The following RTN1 variants were observed in gnomAD, a reference collection of about 807,000 sequenced individuals.
RTN1 encodes reticulon-1.
Under a neutral mutation model 65.5 loss-of-function variants are expected in RTN1, and 25 were observed. The observed-to-expected ratio is 0.38, with a 90% confidence interval of 0.28 to 0.53. The LOEUF is 0.53. Ranked by LOEUF, RTN1 falls within the 20% of genes least tolerant of loss-of-function variation. The probability of loss-of-function intolerance (pLI) is 0.79; values close to 1 mark genes in which losing one functional copy is unlikely to be tolerated. For synonymous variants in RTN1, 471 were observed against 447.6 expected (o/e 1.05, Z -0.66); for missense variants, 983 against 1,025.4 (o/e 0.96, Z 0.57).
intron 1 of RTN1, among the ~76,000 whole-genome samples, chr14:59,780,639 T>C (rs1886137388): frequency 6.6e-6 from 1 of 151,760 alleles, no homozygotes; most frequent in African/African-American, 2.4e-5. Context: ...TTGTTTTGTT[T>C]TGTTTTTCTT....
At chr14:59,764,657 A>T (rs1168575377) in intron 1 of RTN1, among the ~76,000 whole-genome samples, 1 of 152,084 alleles carries the variant, frequency 6.6e-6, no homozygotes, top group Non-Finnish European at 1.5e-5. Context: ...TCACTATAAC[A>T]TTTTTTAAAA....
At chr14:59,612,424 CT>C (rs1460736987) in intron 3 of RTN1, among the ~76,000 whole-genome samples, 1 of 152,204 alleles carries the variant, frequency 6.6e-6, no homozygotes, top group Non-Finnish European at 1.5e-5. Flanking sequence ...CTCTCTCTCT[CT>C]CCCTTTCTCT....
chr14:59,835,037 A>G (rs1327369060), intron 1 of RTN1, among the ~76,000 whole-genome samples: 2 of 152,244 alleles, frequency 1.3e-5, no homozygotes, highest in African/African-American at 4.8e-5. Context: ...ATGTTAATAC[A>G]AACACTGGTA....
At chr14:59,610,612 C>T (rs1881917987) in intron 3 of RTN1, among the ~76,000 whole-genome samples, 1 of 152,200 alleles carries the variant, frequency 6.6e-6, no homozygotes, top group African/African-American at 2.4e-5. Flanking sequence ...TGTCCTTGTT[C>T]ATTCCTGGGC....
chr14:59,715,941 TTTTC>T (rs1463467920), intron 3 of RTN1, among the ~76,000 whole-genome samples: 1 of 152,196 alleles, frequency 6.6e-6, no homozygotes, highest in Non-Finnish European at 1.5e-5. Context: ...TTATTTATGA[TTTTC>T]TTTATTTTCA....
chr14:59,822,666 C>G (rs544129645), intron 1 of RTN1, among the ~76,000 whole-genome samples: 1 of 152,228 alleles, frequency 6.6e-6, no homozygotes, highest in African/African-American at 2.4e-5. Context: ...AAACTTTCCT[C>G]TTAACATTGC....
intron 8 of RTN1, among the ~76,000 whole-genome samples, chr14:59,602,211 T>A (rs576560286): frequency 6.6e-6 from 1 of 152,300 alleles, no homozygotes; most frequent in African/African-American, 2.4e-5. Context: ...AATGCCTCTC[T>A]CTAAATCTGA....
intron 3 of RTN1, among the ~76,000 whole-genome samples, chr14:59,696,159 T>C (rs1367656752): frequency 6.6e-6 from 1 of 152,182 alleles, no homozygotes; most frequent in Non-Finnish European, 1.5e-5. Context: ...GTAAAGGCAA[T>C]TTAATACTTG....
chr14:59,747,811 T>C (rs998529188), intron 1 of RTN1, among the ~76,000 whole-genome samples: 6 of 151,878 alleles, frequency 4.0e-5, no homozygotes, highest in Non-Finnish European at 8.8e-5. Flanking sequence ...TACAAACACA[T>C]TACACACACA....
intron 3 of RTN1, among the ~76,000 whole-genome samples, chr14:59,621,891 C>A (rs542959870): frequency 5.9e-5 from 9 of 152,180 alleles, no homozygotes; most frequent in African/African-American, 1.2e-4. Flanking sequence ...GTGACATAAG[C>A]GGATACTATA....
intron 1 of RTN1, among the ~76,000 whole-genome samples, chr14:59,842,641 A>G (rs1028475015): frequency 2.6e-5 from 4 of 152,176 alleles, no homozygotes; most frequent in Non-Finnish European, 5.9e-5. Context: ...CACTTATAGA[A>G]CATTTATACC....
chr14:59,723,329 G>A (rs940215838), intron 3 of RTN1, among the ~76,000 whole-genome samples: 11 of 152,132 alleles, frequency 7.2e-5, no homozygotes, highest in Non-Finnish European at 8.8e-5. Flanking sequence ...TACCCTGGCC[G>A]AGTGCGGTGG....
At chr14:59,605,593 A>G in intron 4 of RTN1, 87 bp from the exon 5 acceptor site, 1 of 1,404,686 alleles carries the variant, frequency 7.1e-7, no homozygotes, top group Non-Finnish European at 9.9e-7. Flanking sequence ...AAGCGTTCCT[A>G]CTCTCACTCT....
chr14:59,627,068 T>G (rs533159846), intron 3 of RTN1, among the ~76,000 whole-genome samples: 1 of 152,270 alleles, frequency 6.6e-6, no homozygotes, highest in South Asian at 2.1e-4. Flanking sequence ...GAATCACCTT[T>G]TACTACACAA....
At chr14:59,716,215 C>A (rs1884531411) in intron 3 of RTN1, among the ~76,000 whole-genome samples, 1 of 152,118 alleles carries the variant, frequency 6.6e-6, no homozygotes, top group Non-Finnish European at 1.5e-5. Context: ...GTAAGCAGGC[C>A]AATTACCTGG....
At chr14:59,723,136 A>G (rs1884681301) in intron 3 of RTN1, among the ~76,000 whole-genome samples, 1 of 152,056 alleles carries the variant, frequency 6.6e-6, no homozygotes, top group East Asian at 1.9e-4. Flanking sequence ...GTACAGTTTG[A>G]ATTTATTACA....
At chr14:59,597,948 T>C (rs1056942017) in intron 8 of RTN1, among the ~76,000 whole-genome samples, 1 of 151,896 alleles carries the variant, frequency 6.6e-6, no homozygotes, top group Non-Finnish European at 1.5e-5. Flanking sequence ...ATGGTGGGTG[T>C]TGGAGTTTGT....
At chr14:59,637,710 CA>C (rs36015610) in intron 3 of RTN1, among the ~76,000 whole-genome samples, 1,280 of 112,196 alleles carry the variant, frequency 0.011, 8 homozygotes, top group African/African-American at 0.034. Context: ...GACTCCGTCT[CA>C]AAAAAAAAAA....
intron 1 of RTN1, among the ~76,000 whole-genome samples, chr14:59,833,814 AG>A (rs1317419875): frequency 6.6e-6 from 1 of 152,232 alleles, no homozygotes; most frequent in Admixed American, 6.5e-5. Context: ...ACAATAAGAA[AG>A]GTCACACAGT....
Sources: allele counts gnomAD v4.1 joint callset (sites outside exome capture counted in the v4.1 genomes callset), GRCh38; gene constraint gnomAD v4.1.1; transcripts MANE v1.5; gene names NCBI Gene and HGNC (gene_info 2026-07-23, HGNC 2026-07-21).